The following CYFIP1 variants were observed in gnomAD, a reference collection of about 807,000 sequenced individuals.
CYFIP1 encodes cytoplasmic FMR1 interacting protein 1.
CYFIP1 carries 58 observed loss-of-function variants against 163.5 expected under a neutral mutation model. That is an observed-to-expected ratio of 0.35 (90% CI 0.29 to 0.44). The LOEUF (loss-of-function observed/expected upper bound fraction) is 0.44. CYFIP1 is among the 20% of genes least tolerant of loss of function. CYFIP1 has a pLI of 1.00. For synonymous variants in CYFIP1, 663 were observed against 660.7 expected (o/e 1.00, Z -0.05); for missense variants, 1,338 against 1,653.8 (o/e 0.81, Z 3.31).
intron 13 of CYFIP1, among the ~76,000 whole-genome samples, chr15:22,920,663 T>C (rs1426203593): frequency 1.3e-5 from 2 of 152,214 alleles, no homozygotes. Context: ...TCATGGTCTA[T>C]ATGCAATTAA....
intron 6 of CYFIP1, among the ~76,000 whole-genome samples, chr15:22,940,958 T>C (rs1207919999): frequency 6.6e-6 from 1 of 152,184 alleles, no homozygotes; most frequent in Non-Finnish European, 1.5e-5. Flanking sequence ...GAGAATTGCT[T>C]GAATCCAGGA....
At chr15:22,875,438 C>T in intron 26 of CYFIP1, 167 bp from the exon 27 acceptor site, 1 of 673,832 alleles carries the variant, frequency 1.5e-6, no homozygotes, top group Admixed American at 2.3e-5. Context: ...TCCGTCTGTC[C>T]TGTCCATTCC....
In CYFIP1 at chr15:22,867,994, A is replaced by AAT. The variant is rs2059251113; in HGVS notation, c.*2032_*2033dup. ...TTTAAAAAAAAGTATTGGCAGAATTAATTTCCACCTAGGTGATGGGAAGAA... is the reference window on the plus strand; with the variant it reads ...TTTAAAAAAAAGTATTGGCAGAATTAATATTTCCACCTAGGTGATGGGAAGAA... On this transcript the variant is annotated 3_prime_UTR_variant, in exon 31 of 31. Transcript: ENST00000617928. 1 of 152,230 alleles carries AAT rather than the reference A, an allele frequency of 6.6e-6. No individual in the cohort carries two copies. Among genetic ancestry groups the AAT allele is most frequent in the Admixed American group, 6.5e-5 (1 of 15,292 alleles). 9.4% of individuals were successfully genotyped at this position (152,230 alleles called of 1,614,324 possible). A position where few individuals can be genotyped will look rare whatever the true frequency, so the allele number is the denominator to read the frequency against.
At chr15:22,952,319 T>G (rs2062278896) in intron 1 of CYFIP1, among the ~76,000 whole-genome samples, 1 of 151,912 alleles carries the variant, frequency 6.6e-6, no homozygotes, top group Non-Finnish European at 1.5e-5. Flanking sequence ...GGTTGCAGAA[T>G]AAGGTGAAAT....
At chr15:22,891,666 C>T (rs1394869029) in intron 23 of CYFIP1, among the ~76,000 whole-genome samples, 1 of 152,218 alleles carries the variant, frequency 6.6e-6, no homozygotes, top group East Asian at 1.9e-4. Context: ...GAGGCTTGGG[C>T]CCTCCAAAAA....
At chr15:22,963,093 A>T (rs1324398133) in intron 1 of CYFIP1, among the ~76,000 whole-genome samples, 1 of 152,230 alleles carries the variant, frequency 6.6e-6, no homozygotes, top group African/African-American at 2.4e-5. Context: ...ATTCTTAGGA[A>T]ATAGACACTG....
intron 11 of CYFIP1, among the ~76,000 whole-genome samples, chr15:22,930,397 A>AGG (rs2061500788): frequency 1.3e-5 from 2 of 150,444 alleles, no homozygotes; most frequent in African/African-American, 2.4e-5. Flanking sequence ...CCCAAAAAAA[A>AGG]AAAAAAAAAA....
chr15:22,952,108 T>A (rs1595692189), intron 1 of CYFIP1, among the ~76,000 whole-genome samples: 1 of 152,124 alleles, frequency 6.6e-6, no homozygotes, highest in South Asian at 2.1e-4. Flanking sequence ...TTAACGACCT[T>A]AGGCTAAGTG....
rs35228444 is a variant in CYFIP1, at chr15:22,913,527, CAAAAAAAAAAAAAAA to C, written c.1985+1184_1985+1198del. On this transcript the variant is annotated intron_variant, in intron 17 of 30. Coordinates refer to ENST00000617928, the MANE Select transcript of CYFIP1 (RefSeq NM_014608.6). ...TGGGTAACAGAGCAAGGCTCTGTCT[CAAAAAAAAAAAAAAA>C]AAAAAAAAAGAAAGAAAGAAAAAAA... 4.9e-4 allele frequency among the ~76,000 whole-genome samples: 5 copies of C among 10,286 alleles called. 1 individual carries two copies. The highest frequency in any genetic ancestry group is 2.0e-3 in the African/African-American group (5 of 2,538). The allele number at this position is 10,286 out of a possible 152,430, so 6.7% of individuals were successfully genotyped here.
intron 1 of CYFIP1, among the ~76,000 whole-genome samples, chr15:22,960,234 G>A (rs1390512117): frequency 6.6e-6 from 1 of 152,194 alleles, no homozygotes; most frequent in African/African-American, 2.4e-5. Context: ...TCTATCAAGG[G>A]TCCTGCTGTC....
intron 13 of CYFIP1, among the ~76,000 whole-genome samples, chr15:22,920,312 GC>G (rs2061131764): frequency 1.3e-5 from 2 of 151,720 alleles, no homozygotes; most frequent in African/African-American, 4.8e-5. Flanking sequence ...CTATAAGCAT[GC>G]ACTACCATGC....
At chr15:22,895,126 TGCCTCA>T (rs2060202774) in intron 22 of CYFIP1, among the ~76,000 whole-genome samples, 1 of 151,918 alleles carries the variant, frequency 6.6e-6, no homozygotes, top group Non-Finnish European at 1.5e-5. Context: ...GCCATTCTCC[TGCCTCA>T]GCCTCCCAAG....
chr15:22,962,552 C>T (rs2062722131), intron 1 of CYFIP1, among the ~76,000 whole-genome samples: 1 of 151,964 alleles, frequency 6.6e-6, no homozygotes, highest in South Asian at 2.1e-4. Context: ...GTGTGCGCCA[C>T]CATGCCCGGC....
chr15:22,945,038 C>T (rs11634373), intron 3 of CYFIP1, 99 bp from the exon 4 acceptor site: 1 of 1,114,604 alleles, frequency 9.0e-7, no homozygotes, highest in Non-Finnish European at 1.4e-6. Flanking sequence ...ACAAACTATC[C>T]TAAGCACTGT....
At chr15:22,930,401 A>AC (rs1375250377) in intron 11 of CYFIP1, among the ~76,000 whole-genome samples, 59 of 147,826 alleles carry the variant, frequency 4.0e-4, no homozygotes, top group South Asian at 1.5e-3. Flanking sequence ...AAAAAAAAAA[A>AC]AAAAAAAAAA....
At chr15:22,910,341 T>C (rs1188524342) in intron 20 of CYFIP1, among the ~76,000 whole-genome samples, 179 bp downstream of exon 20, 1 of 152,106 alleles carries the variant, frequency 6.6e-6, no homozygotes, top group Non-Finnish European at 1.5e-5. Context: ...TTTGTATTTT[T>C]AGTAGAGATG....
Position 22,920,159 on chromosome 15 carries a change from CTTTTT to C in CYFIP1, c.1360-1306_1360-1302del, listed in dbSNP as rs71117470. The stretch of plus-strand genomic sequence containing the variant: ...TTTGACAGATTCAAAATTAAGGCAG[CTTTTT>C]TTTTTTTTTTTTTTTTTTGAGACAG... On this transcript the variant is annotated intron_variant, in intron 13 of 30. Transcript: ENST00000617928. Among the ~76,000 whole-genome samples the C allele has an allele frequency of 9.3e-5, 7 of 75,538 alleles. No individual in the cohort carries two copies. The South Asian group carries it at 2.8e-3, about 30-fold the overall frequency. 49.6% of individuals were successfully genotyped at this position (75,538 alleles called of 152,430 possible). A position where few individuals can be genotyped will look rare whatever the true frequency, so the allele number is the denominator to read the frequency against.
intron 1 of CYFIP1, among the ~76,000 whole-genome samples, chr15:22,970,214 CAA>C (rs1405658781): frequency 6.6e-6 from 1 of 151,974 alleles, no homozygotes; most frequent in Non-Finnish European, 1.5e-5. Flanking sequence ...TGGCTAAATA[CAA>C]GTTTCAATTT....
chr15:22,939,556 TTAAAA>T (rs2061830847), intron 6 of CYFIP1, 49 bp from the exon 7 acceptor site: 365 of 409,664 alleles, frequency 8.9e-4, no homozygotes, highest in Admixed American at 1.6e-3. Context: ...CGTGCCACAT[TTAAAA>T]AAAAAAAAAA....
Sources: allele counts gnomAD v4.1 joint callset (sites outside exome capture counted in the v4.1 genomes callset), GRCh38; gene constraint gnomAD v4.1.1; transcripts MANE v1.5; gene names NCBI Gene and HGNC (gene_info 2026-07-23, HGNC 2026-07-21).